AOPEP: variants seen among roughly 807,000 people sequenced by gnomAD.
The protein encoded by AOPEP is aminopeptidase O.
AOPEP carries 77 observed loss-of-function variants against 98.1 expected under a neutral mutation model. That is an observed-to-expected ratio of 0.78 (90% CI 0.65 to 0.95). The LOEUF (loss-of-function observed/expected upper bound fraction) is 0.95, where lower values mean the gene tolerates loss of function less well. AOPEP is among the 40% of genes least tolerant of loss of function. AOPEP has a pLI of 0.00. For missense variants in AOPEP, 1,024 were observed against 1,024.7 expected (o/e 1.00, Z 0.01); for synonymous variants, 346 against 365.3 (o/e 0.95, Z 0.60).
intron 5 of AOPEP, among the ~76,000 whole-genome samples, chr9:94,899,930 T>G (rs1265011329): frequency 6.6e-6 from 1 of 152,090 alleles, no homozygotes; most frequent in Non-Finnish European, 1.5e-5. Flanking sequence ...CCCAAGCAGG[T>G]TAATGTGTTA....
At chr9:95,036,387 T>A (rs919774503) in intron 13 of AOPEP, among the ~76,000 whole-genome samples, 1 of 152,188 alleles carries the variant, frequency 6.6e-6, no homozygotes, top group Non-Finnish European at 1.5e-5. Flanking sequence ...GGAAAAAAAA[T>A]TCCAACTTTT....
At chr9:95,096,070 T>C in the AOPEP span, among the ~76,000 whole-genome samples, 2 of 152,136 alleles carry the variant, frequency 1.3e-5, no homozygotes, top group African/African-American at 2.4e-5. Flanking sequence ...GGGGAACTGC[T>C]AGAGGCTTCT....
At chr9:95,009,778 T>C (rs1005291649) in intron 13 of AOPEP, among the ~76,000 whole-genome samples, 2 of 152,146 alleles carry the variant, frequency 1.3e-5, no homozygotes, top group Non-Finnish European at 1.5e-5. Context: ...AGCTACTCAG[T>C]GTTCCAATTG....
At position 94,861,357 on chromosome 9, in the gene AOPEP, T is replaced by C. The variant is rs564603949; in HGVS notation, c.1364+60355T>C. 1.4e-4 allele frequency among the ~76,000 whole-genome samples: 21 copies of C among 152,276 alleles called. No homozygotes were observed. The South Asian group carries it at 3.9e-3, about 29-fold the overall frequency. ...TATGATGTGGGGGCATATGGAGAAA[T>C]GGTGATGGGCAGAAAAGAAGATGAA... On this transcript the variant is annotated intron_variant, in intron 5 of 16. Transcript: ENST00000375315.
At chr9:94,987,659 A>AGG (rs1378040681) in intron 11 of AOPEP, among the ~76,000 whole-genome samples, 1 of 152,218 alleles carries the variant, frequency 6.6e-6, no homozygotes, top group Non-Finnish European at 1.5e-5. Flanking sequence ...TGAATAATAG[A>AGG]GGGATGAATG....
chr9:94,941,603 G>C (rs1344286815), intron 7 of AOPEP, among the ~76,000 whole-genome samples: 1 of 152,224 alleles, frequency 6.6e-6, no homozygotes, highest in East Asian at 1.9e-4. Flanking sequence ...TTTCCTGTTA[G>C]AGGGACACCC....
the AOPEP span, among the ~76,000 whole-genome samples, chr9:95,136,226 C>T: frequency 6.6e-6 from 1 of 151,150 alleles, no homozygotes; most frequent in Non-Finnish European, 1.5e-5. Context: ...CCTGCTTCTA[C>T]AAAAAAAAAT....
At chr9:95,121,000 G>T in the AOPEP span, among the ~76,000 whole-genome samples, 3 of 152,154 alleles carry the variant, frequency 2.0e-5, no homozygotes, top group African/African-American at 7.2e-5. Context: ...AGGGCAGCTG[G>T]GGGGAGGCAG....
chr9:94,903,892 T>TTAA (rs34620463), intron 5 of AOPEP, among the ~76,000 whole-genome samples: 1 of 96,618 alleles, frequency 1.0e-5, no homozygotes, highest in Admixed American at 1.3e-4. Context: ...AGACTCTGTC[T>TTAA]AAAAAAAAAA....
At chr9:95,085,765 G>A (rs2070587772) in intron 16 of AOPEP, among the ~76,000 whole-genome samples, 1 of 152,198 alleles carries the variant, frequency 6.6e-6, no homozygotes, top group African/African-American at 2.4e-5. Flanking sequence ...AAGGTCAAAT[G>A]TATTGAAAGT....
intron 13 of AOPEP, among the ~76,000 whole-genome samples, chr9:95,023,167 TG>T (rs1382074374): frequency 6.6e-6 from 1 of 152,234 alleles, no homozygotes; most frequent in Non-Finnish European, 1.5e-5. Flanking sequence ...TTAATGTTAC[TG>T]GGGAATGGGC....
intron 7 of AOPEP, among the ~76,000 whole-genome samples, chr9:94,950,410 C>T (rs1332994965): frequency 2.6e-5 from 4 of 152,144 alleles, no homozygotes; most frequent in Admixed American, 6.5e-5. Context: ...ATGAGGGAGC[C>T]GGACTGCATG....
rs570003128 is a variant in AOPEP, at chr9:95,053,288, A to G, written c.2116-7406A>G. Among the ~76,000 whole-genome samples the G allele has an allele frequency of 3.7e-4, 57 of 152,350 alleles. No homozygotes were observed. In the South Asian group the frequency reaches 0.011, roughly 28 times the overall value. ...GTTACTCGGAGAAACAGTTGACACA[A>G]AGCATTCCTTATTTTCTTATTATGT... On this transcript the variant is annotated intron_variant, in intron 13 of 16. Coordinates refer to ENST00000375315, the MANE Select transcript of AOPEP (RefSeq NM_001193329.3).
the AOPEP span, chr9:95,111,773 A>AATT: frequency 9.9e-7 from 1 of 1,010,150 alleles, no homozygotes; most frequent in Non-Finnish European, 1.5e-6. Flanking sequence ...CAAGGAATAC[A>AATT]ATTTAGATTC....
intron 5 of AOPEP, among the ~76,000 whole-genome samples, chr9:94,906,480 A>AATAATC (rs2051160334): frequency 7.8e-6 from 1 of 128,502 alleles, no homozygotes; most frequent in Admixed American, 7.8e-5. Flanking sequence ...TAATAATAAT[A>AATAATC]ATAAAAAAAC....
intron 7 of AOPEP, among the ~76,000 whole-genome samples, chr9:94,944,383 G>A (rs2057387026): frequency 6.6e-6 from 1 of 152,156 alleles, no homozygotes; most frequent in African/African-American, 2.4e-5. Context: ...TATCCATACA[G>A]TGGAATATTA....
At chr9:95,022,304 T>C (rs1182913115) in intron 13 of AOPEP, 3 of 152,236 alleles carry the variant, frequency 2.0e-5, no homozygotes, top group Non-Finnish European at 4.4e-5. Flanking sequence ...GGGGTTTTTT[T>C]CCTCTGAAAA....
At chr9:95,054,164 G>A (rs1023325707) in intron 13 of AOPEP, among the ~76,000 whole-genome samples, 1 of 152,192 alleles carries the variant, frequency 6.6e-6, no homozygotes, top group Non-Finnish European at 1.5e-5. Context: ...TGTCATGGCA[G>A]GGTGAATAGA....
Position 94,728,239 on chromosome 9 carries a change from G to GCGCGCGCGCGCACACACACACA in AOPEP, c.-136+1489_-136+1490insGCGCGCGCGCACACACACACAC, listed in dbSNP as rs113657409. The stretch of plus-strand genomic sequence containing the variant: ...TGTGATCCTTCCTGCGTGCGCGCAT[G>GCGCGCGCGCGCACACACACACA]CACACACACACACACACACACACAC... On this transcript the variant is annotated intron_variant, in intron 1 of 16. Coordinates refer to ENST00000375315, the MANE Select transcript of AOPEP (RefSeq NM_001193329.3). Among the ~76,000 whole-genome samples, 325 of 146,606 alleles carry GCGCGCGCGCGCACACACACACA rather than the reference G, an allele frequency of 2.2e-3. 1 individual carries two copies. The highest frequency in any genetic ancestry group is 3.8e-3 in the Non-Finnish European group (251 of 66,334).
Sources: allele counts gnomAD v4.1 joint callset (sites outside exome capture counted in the v4.1 genomes callset), GRCh38; gene constraint gnomAD v4.1.1; transcripts MANE v1.5; gene names NCBI Gene and HGNC (gene_info 2026-07-23, HGNC 2026-07-21).